Variants in RNF145 observed in about 807,000 individuals in gnomAD.
RNF145 encodes ring finger protein 145.
A neutral mutation model predicts 57.3 loss-of-function variants in RNF145; 12 were observed. The ratio of observed to expected loss-of-function variants is 0.21; its 90% CI spans 0.13 to 0.34. The LOEUF (loss-of-function observed/expected upper bound fraction) is 0.34, where lower values mean the gene tolerates loss of function less well. Among genes scored for constraint, RNF145 ranks in the 10% least tolerant of loss-of-function variants. The pLI, the probability that RNF145 is intolerant of heterozygous loss-of-function variation, is 1.00. For synonymous variants in RNF145, 262 were observed against 288.3 expected, an observed-to-expected ratio of 0.91 and a Z score of 0.92; for missense variants, 429 against 799.0, an observed-to-expected ratio of 0.54 and a Z score of 5.58.
intron 1 of RNF145, among the ~76,000 whole-genome samples, chr5:159,208,781 G>A (rs1345433365): frequency 6.6e-6 from 1 of 152,078 alleles, no homozygotes; most frequent in Admixed American, 6.5e-5. Context: ...AGCTGGAAAG[G>A]GGCCGCTCTG....
intron 3 of RNF145, among the ~76,000 whole-genome samples, chr5:159,186,187 A>C (rs1408577432): frequency 3.9e-5 from 6 of 152,120 alleles, no homozygotes; most frequent in African/African-American, 1.4e-4. Context: ...AGATTGCACC[A>C]CTGCACTCCA....
chr5:159,171,212 T>C (rs1460679837), intron 6 of RNF145, among the ~76,000 whole-genome samples: 1 of 152,198 alleles, frequency 6.6e-6, no homozygotes, highest in Non-Finnish European at 1.5e-5. Context: ...TCTGAAATGT[T>C]TGGCATTTTC....
At chr5:159,198,363 T>C (rs1322440545) in intron 2 of RNF145, among the ~76,000 whole-genome samples, 1 of 152,138 alleles carries the variant, frequency 6.6e-6, no homozygotes, top group Non-Finnish European at 1.5e-5. Context: ...AAAACAACAC[T>C]GATGAATCTA....
chr5:159,178,906 C>A (rs926038919), intron 4 of RNF145, among the ~76,000 whole-genome samples: 3 of 151,922 alleles, frequency 2.0e-5, no homozygotes, highest in Admixed American at 2.0e-4. Context: ...TAAACACATA[C>A]GGTATTTTAT....
chr5:159,188,930 T>A (rs903845181), intron 3 of RNF145, among the ~76,000 whole-genome samples: 11 of 152,066 alleles, frequency 7.2e-5, no homozygotes, highest in South Asian at 4.1e-4. Flanking sequence ...AGTTTTTAAT[T>A]TTTTTTTTCT....
At chr5:159,177,600 T>C (rs1784758632) in intron 4 of RNF145, among the ~76,000 whole-genome samples, 1 of 152,064 alleles carries the variant, frequency 6.6e-6, no homozygotes, top group Non-Finnish European at 1.5e-5. Context: ...ATGCTTTGTA[T>C]GAATAAGCTT....
chr5:159,172,244 A>G (rs1006899610), intron 6 of RNF145, among the ~76,000 whole-genome samples: 9 of 152,086 alleles, frequency 5.9e-5, no homozygotes, highest in Non-Finnish European at 1.3e-4. Context: ...TAATCCCAGG[A>G]CTTTGAGAGG....
At chr5:159,162,866 T>C in intron 9 of RNF145, 66 bp downstream of exon 9, 1 of 1,344,600 alleles carries the variant, frequency 7.4e-7, no homozygotes. Flanking sequence ...AAAAATTTAA[T>C]TCCTCCTCTG....
intron 4 of RNF145, among the ~76,000 whole-genome samples, chr5:159,177,557 T>C (rs1207403587): frequency 6.6e-6 from 1 of 152,046 alleles, no homozygotes; most frequent in Non-Finnish European, 1.5e-5. Flanking sequence ...GATATTTGCA[T>C]TTAGCCCTTT....
intron 3 of RNF145, among the ~76,000 whole-genome samples, chr5:159,191,959 T>C (rs377044263): frequency 1.3e-5 from 2 of 151,856 alleles, no homozygotes; most frequent in East Asian, 3.9e-4. Context: ...CTGACCTCTC[T>C]AGAAATGCCT....
rs533200750 is a variant in RNF145 at position 159,180,142 on chromosome 5, T to G, written c.385+1818A>C. On this transcript the variant is annotated intron_variant, in intron 4 of 10. Transcript: ENST00000424310. ...GGAAGTAGGCAGGTTCCTACTTAAC[T>G]GGACTCTTACAATGATGTGGTTGTT... Among the ~76,000 whole-genome samples, 3 of 152,194 alleles carry G rather than the reference T, an allele frequency of 2.0e-5. No individual in the cohort carries two copies. The East Asian group carries it at 5.8e-4, about 29-fold the overall frequency.
At chr5:159,205,785 T>C (rs1163429353) in intron 1 of RNF145, among the ~76,000 whole-genome samples, 1 of 152,176 alleles carries the variant, frequency 6.6e-6, no homozygotes, top group Admixed American at 6.5e-5. Flanking sequence ...GAGGAGCTAT[T>C]ACTGATTTAA....
At chr5:159,176,482 T>A (rs985557814) in intron 5 of RNF145, 150 bp downstream of exon 5, 2 of 583,216 alleles carry the variant, frequency 3.4e-6, no homozygotes, top group Non-Finnish European at 6.2e-6. Flanking sequence ...ATCTTTCAGA[T>A]GCTCCTAATT....
At chr5:159,185,392 C>G (rs992106268) in intron 3 of RNF145, among the ~76,000 whole-genome samples, 12 of 152,168 alleles carry the variant, frequency 7.9e-5, no homozygotes, top group Non-Finnish European at 1.8e-4. Context: ...TAGAGAATAA[C>G]TGAAATAAGA....
intron 5 of RNF145, 123 bp downstream of exon 5, chr5:159,176,509 C>A: frequency 1.6e-6 from 1 of 625,612 alleles, no homozygotes; most frequent in South Asian, 2.2e-5. Context: ...AAAATAGCAG[C>A]TGTTTTGAAA....
chr5:159,203,804 G>A (rs1331793109), intron 1 of RNF145, 148 bp from the exon 2 acceptor site: 2 of 606,154 alleles, frequency 3.3e-6, no homozygotes, highest in Non-Finnish European at 5.8e-6. Context: ...ACTATTTTTA[G>A]ATATTCATAA....
intron 3 of RNF145, among the ~76,000 whole-genome samples, chr5:159,193,131 T>C (rs1785342742): frequency 6.6e-6 from 1 of 152,322 alleles, no homozygotes; most frequent in East Asian, 1.9e-4. Flanking sequence ...AAGGTCTAAG[T>C]TGTTTTCATG....
chr5:159,201,800 G>A (rs1452736386), intron 2 of RNF145, among the ~76,000 whole-genome samples: 1 of 152,174 alleles, frequency 6.6e-6, no homozygotes, highest in African/African-American at 2.4e-5. Context: ...ATGGTGTTCA[G>A]AGTGAGAACT....
At chr5:159,187,972 A>G (rs1785141555) in intron 3 of RNF145, among the ~76,000 whole-genome samples, 1 of 152,188 alleles carries the variant, frequency 6.6e-6, no homozygotes, top group African/African-American at 2.4e-5. Flanking sequence ...GAAGAGCCAG[A>G]ATGAAAACAG....
Sources: allele counts gnomAD v4.1 joint callset (sites outside exome capture counted in the v4.1 genomes callset), GRCh38; gene constraint gnomAD v4.1.1; transcripts MANE v1.5; gene names NCBI Gene and HGNC (gene_info 2026-07-23, HGNC 2026-07-21).